Variants in UGT1A8 observed in about 807,000 individuals in gnomAD.
UGT1A8 encodes UDP glucuronosyltransferase family 1 member A8.
A neutral mutation model predicts 45.3 loss-of-function variants in UGT1A8; 39 were observed. The ratio of observed to expected loss-of-function variants is 0.86; its 90% CI spans 0.67 to 1.12. UGT1A8 has a LOEUF of 1.12. UGT1A8 is among the 50% of genes most tolerant of loss of function. The pLI, the probability that UGT1A8 is intolerant of heterozygous loss-of-function variation, is 0.00. For synonymous variants in UGT1A8, 275 were observed against 249.2 expected (o/e 1.10, Z -0.97); for missense variants, 719 against 664.9 (o/e 1.08, Z -0.90).
rs1334645862 is a variant in UGT1A8, at chr2:233,640,457, A to G, written c.855+21895A>G. ...TATCGTTATCACACCTAACACAATA[A>G]TAATACTTTAATATTATCTCATTTC... On this transcript the variant is annotated intron_variant, in intron 1 of 4. Transcript: ENST00000373450. Among the ~76,000 whole-genome samples, 3 of 152,170 alleles carry G rather than the reference A, an allele frequency of 2.0e-5. No individual in the cohort carries two copies. In the East Asian group the frequency reaches 5.8e-4, roughly 29 times the overall value.
chr2:233,719,182 C>T, intron 1 of UGT1A8: 1 of 1,614,216 alleles, frequency 6.2e-7, no homozygotes, highest in South Asian at 1.1e-5. Context: ...AACAATGTAT[C>T]TTTGGCCCTT....
intron 1 of UGT1A8, chr2:233,760,250 G>A (rs1489611347): frequency 6.2e-7 from 1 of 1,601,220 alleles, no homozygotes; most frequent in Non-Finnish European, 8.5e-7. Context: ...ATATATATAA[G>A]TAGGAGAGGG....
At chr2:233,702,860 C>G (rs1007484594) in intron 1 of UGT1A8, among the ~76,000 whole-genome samples, 6 of 152,102 alleles carry the variant, frequency 3.9e-5, no homozygotes, top group Non-Finnish European at 7.4e-5. Flanking sequence ...TTTGGTTTGA[C>G]AGCATTTTAT....
intron 1 of UGT1A8, among the ~76,000 whole-genome samples, chr2:233,624,542 T>C (rs1269824457): frequency 6.6e-6 from 1 of 152,200 alleles, no homozygotes; most frequent in East Asian, 1.9e-4. Flanking sequence ...TCTGTGCATG[T>C]ATTTCTAGAC....
chr2:233,760,467 A>G (rs1444464587), intron 1 of UGT1A8: 1 of 1,614,232 alleles, frequency 6.2e-7, no homozygotes, highest in South Asian at 1.1e-5. Context: ...TAGTTGTCCT[A>G]GCACCTGACG....
intron 1 of UGT1A8, among the ~76,000 whole-genome samples, chr2:233,644,032 C>T (rs772625185): frequency 5.3e-5 from 8 of 152,116 alleles, no homozygotes; most frequent in African/African-American, 1.2e-4. Context: ...GGAGTGATGT[C>T]GGTACTCCCT....
chr2:233,656,196 G>A (rs2266376), intron 1 of UGT1A8, among the ~76,000 whole-genome samples: 38 of 152,286 alleles, frequency 2.5e-4, no homozygotes, highest in East Asian at 9.6e-4. Flanking sequence ...CATATGACCC[G>A]TGTTCACCCT....
chr2:233,683,242 T>C (rs1214148845), intron 1 of UGT1A8, among the ~76,000 whole-genome samples: 2 of 152,180 alleles, frequency 1.3e-5, no homozygotes, highest in Non-Finnish European at 2.9e-5. Flanking sequence ...TCATGCTGGC[T>C]ATGTTTTTTT....
At chr2:233,728,999 G>A in intron 1 of UGT1A8, 10 of 1,561,322 alleles carry the variant, frequency 6.4e-6, no homozygotes, top group Non-Finnish European at 8.7e-6. Flanking sequence ...ACTAGAGGAG[G>A]GCACTCTGTC....
intron 1 of UGT1A8, chr2:233,682,647 C>A (rs2074588513): frequency 6.2e-7 from 1 of 1,613,922 alleles, no homozygotes; most frequent in South Asian, 1.1e-5. Flanking sequence ...ATTCTCCAAA[C>A]CCCTGTCACG....
intron 1 of UGT1A8, among the ~76,000 whole-genome samples, chr2:233,641,527 A>G (rs2073451997): frequency 6.6e-6 from 1 of 152,188 alleles, no homozygotes; most frequent in Admixed American, 6.5e-5. Flanking sequence ...TATATGTAGG[A>G]TAACAGTAGT....
Position 233,767,871 on chromosome 2 carries a change from C to G in UGT1A8, c.1010C>G (p.Thr337Ser). The stretch of plus-strand genomic sequence containing the variant: ...CAGGTCCTGTGGCGGTACACTGGAA[C>G]CCGACCATCGAATCTTGCGAACAAC... ...PQTVLWRYTG[T>S]RPSNLANNTI... The change falls in exon 3 of 5, where the codon ACC becomes AGC. Residue 337 changes from threonine to serine, a missense_variant. Coordinates refer to ENST00000373450, the MANE Select transcript of UGT1A8 (RefSeq NM_019076.5). The G allele has an allele frequency of 6.2e-7, 1 of 1,614,154 alleles. No homozygotes were observed. Among genetic ancestry groups the G allele is most frequent in the Non-Finnish European group, 8.5e-7 (1 of 1,180,040 alleles).
At chr2:233,753,889 A>G (rs1695337033) in intron 1 of UGT1A8, among the ~76,000 whole-genome samples, 1 of 152,212 alleles carries the variant, frequency 6.6e-6, no homozygotes, top group Non-Finnish European at 1.5e-5. Context: ...AGCCTTCAGA[A>G]GGAACATGCT....
chr2:233,754,060 T>C (rs141181524), intron 1 of UGT1A8, among the ~76,000 whole-genome samples: 20 of 152,258 alleles, frequency 1.3e-4, no homozygotes, highest in African/African-American at 3.6e-4. Context: ...CCTGCTTTTA[T>C]AAAGCCTGGG....
intron 1 of UGT1A8, chr2:233,691,671 G>A (rs1305895934): frequency 1.7e-5 from 17 of 975,742 alleles, no homozygotes; most frequent in Non-Finnish European, 2.1e-5. Context: ...CTGGGCCTCA[G>A]TTGAGAAACC....
At position 233,709,398 on chromosome 2, in the gene UGT1A8, T is replaced by C. The variant is rs1379256166; in HGVS notation, c.856-57636T>C. 2.0e-5 allele frequency among the ~76,000 whole-genome samples: 3 copies of C among 152,212 alleles called. No individual in the cohort carries two copies. In the East Asian group the frequency reaches 5.8e-4, roughly 29 times the overall value. On this transcript the variant is annotated intron_variant, in intron 1 of 4. Transcript: ENST00000373450. ...AATCTAAATTTCTTTTAATAATCTA[T>C]GGGTGAACACTCAATAAGAATGTCC...
At chr2:233,682,534 C>T (rs759740806) in intron 1 of UGT1A8, 53 of 1,613,770 alleles carry the variant, frequency 3.3e-5, no homozygotes, top group Admixed American at 2.0e-4. Flanking sequence ...GGTTCTCAGA[C>T]GCCATGACTT....
At chr2:233,756,457 C>A (rs1258626961) in intron 1 of UGT1A8, 1 of 151,910 alleles carries the variant, frequency 6.6e-6, no homozygotes, top group Non-Finnish European at 1.5e-5. Context: ...CAAATATTTT[C>A]AATCTGCTGT....
chr2:233,636,211 C>T (rs1025812763), intron 1 of UGT1A8, among the ~76,000 whole-genome samples: 10 of 150,644 alleles, frequency 6.6e-5, no homozygotes, highest in East Asian at 1.9e-4. Context: ...TTTATCTTTC[C>T]GAATCTTCAA....
Sources: gnomAD v4.1 joint callset for allele counts (sites outside exome capture counted in the v4.1 genomes callset) on GRCh38, gnomAD v4.1.1 for gene constraint, MANE v1.5 for transcripts, NCBI Gene and HGNC (gene_info 2026-07-23, HGNC 2026-07-21) for gene names.